DISP3: variants seen among roughly 807,000 people sequenced by gnomAD.
DISP3 encodes the protein protein dispatched homolog 3.
Under a neutral mutation model 135.3 loss-of-function variants are expected in DISP3, and 101 were observed. The observed-to-expected ratio is 0.75, with a 90% CI of 0.64 to 0.88. The LOEUF (loss-of-function observed/expected upper bound fraction) is 0.88, where lower values mean the gene tolerates loss of function less well. Among genes scored for constraint, DISP3 ranks in the 40% least tolerant of loss-of-function variants. The pLI is 0.00. For synonymous variants in DISP3, 856 were observed against 817.0 expected, an observed-to-expected ratio of 1.05 and a Z score of -0.81; for missense variants, 1,713 against 1,878.6, an observed-to-expected ratio of 0.91 and a Z score of 1.63.
Position 11,483,792 on chromosome 1 carries a change from A to G in DISP3, c.-4+4420A>G, listed in dbSNP as rs979801715. The stretch of plus-strand genomic sequence containing the variant: ...CCCGTGAGAGTCTGGAATGGGACTC[A>G]AGCTGTGAACCTTGGAGTGTGAAAG... On this transcript the variant is annotated intron_variant, in intron 1 of 20. Transcript: ENST00000294484. The surrounding 1 kb of genome is among the most constrained non-coding windows in gnomAD (Gnocchi z 5.4). Among the ~76,000 whole-genome samples the G allele has an allele frequency of 2.6e-5, 4 of 152,234 alleles. No homozygotes were observed. Among genetic ancestry groups the G allele is most frequent in the African/African-American group, 9.6e-5 (4 of 41,458 alleles).
rs1642099730 is a variant in DISP3 at position 11,519,276 on chromosome 1, T to C, written c.1890-79T>C. On this transcript the variant is annotated intron_variant, in intron 7 of 20. Coordinates refer to ENST00000294484, the MANE Select transcript of DISP3 (RefSeq NM_020780.2). The surrounding 1 kb of genome is among the most constrained non-coding windows in gnomAD (Gnocchi z 4.3). ...CAGCACTGTGATACCTGGGTTCATC[T>C]GATCCTCAGGGCCCTGCCCCACCCT... The C allele has an allele frequency of 5.4e-6, 8 of 1,490,024 alleles. No individual in the cohort carries two copies. Among genetic ancestry groups the C allele is most frequent in the Non-Finnish European group, 7.4e-6 (8 of 1,087,486 alleles). 92.3% of individuals were successfully genotyped at this position (1,490,024 alleles called of 1,614,324 possible).
In DISP3 at chr1:11,483,694, C is replaced by T. The variant is rs1302045279; in HGVS notation, c.-4+4322C>T. On this transcript the variant is annotated intron_variant, in intron 1 of 20. Coordinates refer to ENST00000294484, the MANE Select transcript of DISP3 (RefSeq NM_020780.2). The surrounding 1 kb of genome is among the most constrained non-coding windows in gnomAD (Gnocchi z 5.4). ...CCAGAAGTGAAGGGCGGTACCCTCA[C>T]CTGCGTTCATCAGTCAGTGGCCTGG... Among the ~76,000 whole-genome samples the T allele has an allele frequency of 6.6e-6, 1 of 152,218 alleles. No individual in the cohort carries two copies. The highest frequency in any genetic ancestry group is 1.5e-5 in the Non-Finnish European group (1 of 68,048).
intron 1 of DISP3, among the ~76,000 whole-genome samples, chr1:11,494,813 A>AT (rs781328667): frequency 1.2e-4 from 18 of 152,292 alleles, no homozygotes; most frequent in Admixed American, 3.9e-4. Flanking sequence ...GTCTAATGTG[A>AT]TTTTTTTATT....
rs1265959820 is a variant in DISP3 at position 11,501,104 on chromosome 1, C to G, written c.112C>G (p.Pro38Ala). The change falls in exon 2 of 21, where the codon CCT (proline) becomes GCT (alanine). Residue 38 changes from proline (P) to alanine (A), a missense_variant. Coordinates refer to ENST00000294484, the MANE Select transcript of DISP3 (RefSeq NM_020780.2). This position sits in a 1 kb window ranked among gnomAD's most constrained non-coding sequence, Gnocchi z 4.9. ...FLGAQKPGPQ[P>A]GAGGQCCWRH... ...AGGGGCCCAGAAGCCAGGGCCCCAA[C>G]CTGGGGCAGGGGGACAGTGTTGCTG... 6.2e-7 allele frequency: 1 copy of G among 1,614,034 alleles called. No individual in the cohort carries two copies.
intron 6 of DISP3, among the ~76,000 whole-genome samples, chr1:11,517,215 G>T (rs1642037268): frequency 6.6e-6 from 1 of 152,248 alleles, no homozygotes; most frequent in South Asian, 2.1e-4. Context: ...GCAGTGGACT[G>T]CAGATAGACA....
At position 11,516,724 on chromosome 1, in the gene DISP3, C is replaced by G. The variant is rs1426288103; in HGVS notation, c.1749+563C>G. Among the ~76,000 whole-genome samples the G allele has an allele frequency of 6.6e-6, 1 of 152,172 alleles. No individual in the cohort carries two copies. ...AGAAAGACAGTGAATTGGCCCAAGT[C>G]TTTGAGAAACTTTACGACCTGGGCT... On this transcript the variant is annotated intron_variant, in intron 6 of 20. Transcript: ENST00000294484. This position sits in a 1 kb window ranked among gnomAD's most constrained non-coding sequence, Gnocchi z 5.1.
In DISP3 at chr1:11,536,764, C is replaced by G; in HGVS notation, c.*78C>G. On this transcript the variant is annotated 3_prime_UTR_variant, in exon 21 of 21. Transcript: ENST00000294484. This position sits in a 1 kb window ranked among gnomAD's most constrained non-coding sequence, Gnocchi z 4.3. The stretch of plus-strand genomic sequence containing the variant: ...GAGCTGCTTCCCAGCTCGACTTCAG[C>G]TAGCTGTGTCCCCAGGCCTGGGCCC... 2.8e-6 allele frequency: 4 copies of G among 1,442,130 alleles called. No homozygotes were observed. The highest frequency in any genetic ancestry group is 3.6e-6 in the Non-Finnish European group (4 of 1,100,796). The allele number at this position is 1,442,130 out of a possible 1,614,324, so 89.3% of individuals were successfully genotyped here.
intron 5 of DISP3, among the ~76,000 whole-genome samples, chr1:11,515,721 GA>G (rs1350952441): frequency 6.6e-6 from 1 of 152,186 alleles, no homozygotes; most frequent in Non-Finnish European, 1.5e-5. Flanking sequence ...TGGAGGTGAG[GA>G]TGGTGGGAAA....
intron 3 of DISP3, among the ~76,000 whole-genome samples, chr1:11,506,164 G>C (rs148753470): frequency 2.0e-3 from 303 of 152,068 alleles, no homozygotes; most frequent in African/African-American, 6.9e-3. Context: ...TCTTTTTTCT[G>C]CTTTTAAGAT....
Position 11,537,000 on chromosome 1 carries a change from CCT to C in DISP3, c.*318_*319del, listed in dbSNP as rs1441420647. ...TCAGGTTATTTTTGTAGGGGGTCTCCCTCTCACACTGCCTCAGTGCTCACAAC... is the reference window on the plus strand; with the variant it reads ...TCAGGTTATTTTTGTAGGGGGTCTCCCTCACACTGCCTCAGTGCTCACAAC... On this transcript the variant is annotated 3_prime_UTR_variant, in exon 21 of 21. Transcript: ENST00000294484. The surrounding 1 kb of genome is among the most constrained non-coding windows in gnomAD (Gnocchi z 4.3). 8 of 379,512 alleles carry C rather than the reference CCT, an allele frequency of 2.1e-5. No individual in the cohort carries two copies. The highest frequency in any genetic ancestry group is 1.4e-4 in the African/African-American group (7 of 49,044). The allele number at this position is 379,512 out of a possible 1,614,324, so 23.5% of individuals were successfully genotyped here. A position where few individuals can be genotyped will look rare whatever the true frequency, so the allele number is the denominator to read the frequency against.
At chr1:11,492,984 C>T (rs1255204196) in intron 1 of DISP3, among the ~76,000 whole-genome samples, 1 of 152,198 alleles carries the variant, frequency 6.6e-6, no homozygotes, top group Admixed American at 6.5e-5. Context: ...CTGCTTCACT[C>T]CTACTTTCTC....
At chr1:11,487,317 C>T (rs1351411105) in intron 1 of DISP3, among the ~76,000 whole-genome samples, 2 of 152,148 alleles carry the variant, frequency 1.3e-5, no homozygotes, top group Non-Finnish European at 2.9e-5. Flanking sequence ...TCATGGATGT[C>T]CTCCCTTCCT....
At chr1:11,498,187 A>T (rs1239610055) in intron 1 of DISP3, among the ~76,000 whole-genome samples, 1 of 152,228 alleles carries the variant, frequency 6.6e-6, no homozygotes, top group East Asian at 1.9e-4. Context: ...GAGTGCAGAG[A>T]TGTATAATAA....
At position 11,519,739 on chromosome 1, in the gene DISP3, G is replaced by A. The variant is rs1048834304; in HGVS notation, c.2059G>A (p.Val687Met). Residue 687 changes from valine to methionine, a missense_variant, in exon 9 of 21, where the codon GTG (valine) becomes ATG (methionine). Physicochemically the swap from Val to Met is conservative, Grantham distance 21 (BLOSUM62 1). Transcript: ENST00000294484. The surrounding 1 kb of genome is among the most constrained non-coding windows in gnomAD (Gnocchi z 4.3). ...GGCAGTGTCACTGGAGCTGGGAGAC[G>A]TGTCCCTGGTGTCTGTGTCCCCCGA... ...EEPVSLELGD[V>M]SLVSVSPEGL... is the part of the protein sequence containing the mutation. The A allele has an allele frequency of 1.2e-5, 19 of 1,612,772 alleles. No homozygotes were observed. The Middle Eastern group carries it at 4.9e-4, about 42-fold the overall frequency.
intron 5 of DISP3, 125 bp from the exon 6 acceptor site, chr1:11,515,876 C>G (rs1378685154): frequency 8.7e-7 from 1 of 1,148,768 alleles, no homozygotes; most frequent in Non-Finnish European, 1.2e-6. Flanking sequence ...ACTGTAAGCT[C>G]AGAAGCAGGA....
At chr1:11,484,378 G>A (rs1010081025) in intron 1 of DISP3, among the ~76,000 whole-genome samples, 4 of 152,224 alleles carry the variant, frequency 2.6e-5, no homozygotes, top group African/African-American at 4.8e-5. Context: ...CCAAGGGGGC[G>A]GAGGAGCTGA....
chr1:11,492,121 C>CAAAAAAA (rs59755389), intron 1 of DISP3, among the ~76,000 whole-genome samples: 1 of 62,180 alleles, frequency 1.6e-5, no homozygotes, highest in African/African-American at 6.0e-5. Flanking sequence ...GACTCCGTCT[C>CAAAAAAA]AAAAAAAAAA....
rs1033485559 is a variant in DISP3, at chr1:11,535,739, C to T, written c.3816+95C>T. ...GACCCTCAAGGGCAGCTGAACATCC[C>T]AGCACCAGGACCCCCATGCAGGCTG... On this transcript the variant is annotated intron_variant, in intron 20 of 20. Coordinates refer to ENST00000294484, the MANE Select transcript of DISP3 (RefSeq NM_020780.2). The T allele has an allele frequency of 1.8e-5, 26 of 1,448,290 alleles. No homozygotes were observed. The African/African-American group carries it at 3.5e-4, about 20-fold the overall frequency. 89.7% of individuals were successfully genotyped at this position (1,448,290 alleles called of 1,614,324 possible). A position where few individuals can be genotyped will look rare whatever the true frequency, so the allele number is the denominator to read the frequency against.
chr1:11,529,475 C>G lies in DISP3; in HGVS notation c.2799-81C>G. On this transcript the variant is annotated intron_variant, in intron 13 of 20. Coordinates refer to ENST00000294484, the MANE Select transcript of DISP3 (RefSeq NM_020780.2). This position sits in a 1 kb window ranked among gnomAD's most constrained non-coding sequence, Gnocchi z 4.7. ...ACCCCATGACACCCCAGCCCCAGTC[C>G]CAACCCTGGCCTGCTGGCCTCACCT... The G allele has an allele frequency of 6.8e-7, 1 of 1,475,812 alleles. No individual in the cohort carries two copies. Among genetic ancestry groups the G allele is most frequent in the South Asian group, 1.4e-5 (1 of 73,936 alleles). The allele number at this position is 1,475,812 out of a possible 1,614,324, so 91.4% of individuals were successfully genotyped here.
Sources: allele counts gnomAD v4.1 joint callset (sites outside exome capture counted in the v4.1 genomes callset), GRCh38; gene constraint gnomAD v4.1.1; non-coding constraint Gnocchi (gnomAD v3.1); transcripts MANE v1.5; gene names NCBI Gene and HGNC (gene_info 2026-07-23, HGNC 2026-07-21).